TNFSF11: variants seen among roughly 807,000 people sequenced by gnomAD.
TNFSF11 encodes tumor necrosis factor ligand superfamily member 11.
A neutral mutation model predicts 32.2 loss-of-function variants in TNFSF11; 12 were observed. The ratio of observed to expected loss-of-function variants is 0.37; its 90% CI spans 0.24 to 0.60. The LOEUF (loss-of-function observed/expected upper bound fraction) is 0.60, where lower values mean the gene tolerates loss of function less well. TNFSF11 is among the 20% of genes least tolerant of loss of function. The pLI is 0.66. For missense variants in TNFSF11, 345 were observed against 398.0 expected, an observed-to-expected ratio of 0.87 and a Z score of 1.13; for synonymous variants, 172 against 152.1, an observed-to-expected ratio of 1.13 and a Z score of -0.96.
intron 2 of TNFSF11, among the ~76,000 whole-genome samples, chr13:42,567,278 A>G (rs1166651150): frequency 6.6e-6 from 1 of 152,232 alleles, no homozygotes; most frequent in Non-Finnish European, 1.5e-5. Context: ...CTTTAGATTA[A>G]TTTTATTTTA....
At chr13:42,584,964 G>C (rs1873810627) in intron 2 of TNFSF11, among the ~76,000 whole-genome samples, 1 of 152,164 alleles carries the variant, frequency 6.6e-6, no homozygotes, top group Non-Finnish European at 1.5e-5. Flanking sequence ...AGGATCTTTA[G>C]GAAAGAGACA....
In TNFSF11 at chr13:42,581,117, C is replaced by G; in HGVS notation, c.220-9C>G. ...GCACTCTAACGTCCTTACTGTTTCT[C>G]CTCCTCAGATGGATCCTAATAGAAT... is the stretch of plus-strand genomic sequence containing the variant. On this transcript the variant is annotated splice_polypyrimidine_tract_variant and intron_variant, in intron 1 of 4. Transcript: ENST00000398795. 1 of 1,613,914 alleles carries G rather than the reference C, an allele frequency of 6.2e-7. No individual in the cohort carries two copies. The highest frequency in any genetic ancestry group is 8.5e-7 in the Non-Finnish European group (1 of 1,179,868).
intron 2 of TNFSF11, among the ~76,000 whole-genome samples, chr13:42,582,434 T>G (rs1873662619): frequency 6.6e-6 from 1 of 152,192 alleles, no homozygotes; most frequent in Non-Finnish European, 1.5e-5. Flanking sequence ...AAGTTACCAA[T>G]TTTCAGCCTA....
intron 2 of TNFSF11, among the ~76,000 whole-genome samples, chr13:42,582,740 GAGCAAC>G (rs1227266328): frequency 6.6e-6 from 1 of 152,188 alleles, no homozygotes; most frequent in Non-Finnish European, 1.5e-5. Context: ...TGTAATTTTT[GAGCAAC>G]AGCAACAGCA....
intron 2 of TNFSF11, among the ~76,000 whole-genome samples, chr13:42,590,964 A>G (rs1266391343): frequency 3.3e-5 from 5 of 152,240 alleles, no homozygotes; most frequent in Non-Finnish European, 2.9e-5. Flanking sequence ...ACTGTTTGCA[A>G]AAACGAGTCT....
chr13:42,599,382 A>ATCTATCTATCTATCTATCTATCTG (rs1169547336), intron 2 of TNFSF11, among the ~76,000 whole-genome samples: 7 of 150,746 alleles, frequency 4.6e-5, no homozygotes, highest in African/African-American at 1.7e-4. Context: ...CTATCTATCT[A>ATCTATCTATCTATCTATCTATCTG]TCTGTCTATC....
At chr13:42,574,910 A>T (rs967968750) in intron 1 of TNFSF11, among the ~76,000 whole-genome samples, 1 of 152,236 alleles carries the variant, frequency 6.6e-6, no homozygotes, top group African/African-American at 2.4e-5. Context: ...CTGTTCACGT[A>T]GGAAAAAAGA....
chr13:42,574,015 T>C, upstream of TNFSF11: 1 of 492,386 alleles, frequency 2.0e-6, no homozygotes, highest in Non-Finnish European at 3.6e-6. Flanking sequence ...TGACAGAGAT[T>C]GAGAGAGAGG....
chr13:42,576,296 G>C (rs1473707256), intron 1 of TNFSF11, among the ~76,000 whole-genome samples: 1 of 152,092 alleles, frequency 6.6e-6, no homozygotes, highest in African/African-American at 2.4e-5. Context: ...GGCTGTGTAG[G>C]AAAGAGTGAC....
rs768343989 is a variant in TNFSF11, at chr13:42,574,486, C to T, written c.183C>T (p.Val61=). ...ALLGLGLGQV[V]CSVALFFYFR... ...TGGGGCTGGGGCTGGGCCAGGTTGT[C>T]TGCAGCGTCGCCCTGTTCTTCTATT... Residue 61 remains valine, a synonymous_variant, in exon 1 of 5, where the codon GTC becomes GTT. Coordinates refer to ENST00000398795, the MANE Select transcript of TNFSF11 (RefSeq NM_003701.4). The T allele has an allele frequency of 1.9e-6, 3 of 1,609,314 alleles. No homozygotes were observed. Among genetic ancestry groups the T allele is most frequent in the Non-Finnish European group, 2.5e-6 (3 of 1,179,850 alleles).
rs115675044 is a variant in TNFSF11, at chr13:42,575,661, A to T, written c.219+1139A>T. On this transcript the variant is annotated intron_variant, in intron 1 of 4. Coordinates refer to ENST00000398795, the MANE Select transcript of TNFSF11 (RefSeq NM_003701.4). ...ATAGGCTTTTTGTTAAGTATTCATT[A>T]TCCGCTAGTTTGCATTTTCTAGAAC... Among the ~76,000 whole-genome samples, 1,341 of 152,318 alleles carry T rather than the reference A, an allele frequency of 8.8e-3. 15 individuals carry two copies. The highest frequency in any genetic ancestry group is 0.03 in the African/African-American group (1,256 of 41,572).
chr13:42,584,765 A>G (rs576316769), intron 2 of TNFSF11, among the ~76,000 whole-genome samples: 12 of 152,378 alleles, frequency 7.9e-5, no homozygotes, highest in Non-Finnish European at 1.5e-4. Flanking sequence ...ATAGGTTATT[A>G]TGACTCACAG....
At position 42,574,196 on chromosome 13, in the gene TNFSF11, T is replaced by A. The variant is rs919284730; in HGVS notation, c.-108T>A. 12 of 1,450,094 alleles carry A rather than the reference T, an allele frequency of 8.3e-6. No homozygotes were observed. Among genetic ancestry groups the A allele is most frequent in the Non-Finnish European group, 1.0e-5 (11 of 1,064,568 alleles). 89.8% of individuals were successfully genotyped at this position (1,450,094 alleles called of 1,614,324 possible). A position where few individuals can be genotyped will look rare whatever the true frequency, so the allele number is the denominator to read the frequency against. ...CCAGGACCCAAAGCCGGGCTCCAAG[T>A]CGGCGCCCCACGTCGAGGCTCCGCC... On this transcript the variant is annotated 5_prime_UTR_variant, in exon 1 of 5. Transcript: ENST00000398795.
chr13:42,591,355 G>T (rs1594471703), intron 2 of TNFSF11, among the ~76,000 whole-genome samples: 1 of 152,094 alleles, frequency 6.6e-6, no homozygotes, highest in African/African-American at 2.4e-5. Flanking sequence ...CTATCTGCCT[G>T]CTGGGCCACT....
At chr13:42,583,417 T>TAAAAAAAG (rs764290582) in intron 2 of TNFSF11, among the ~76,000 whole-genome samples, 1 of 24,644 alleles carries the variant, frequency 4.1e-5, no homozygotes, top group Non-Finnish European at 7.0e-5. Context: ...AAGACCCTGC[T>TAAAAAAAG]AAAAAAAAAA....
intron 1 of TNFSF11, among the ~76,000 whole-genome samples, chr13:42,579,213 C>T (rs901503851): frequency 1.3e-5 from 2 of 151,574 alleles, no homozygotes; most frequent in Non-Finnish European, 2.9e-5. Context: ...GGCAACACAG[C>T]GAGACCCCAT....
At position 42,595,808 on chromosome 13, in the gene TNFSF11, A is replaced by T. The variant is rs78114725; in HGVS notation, c.388-4944A>T. ...ATTTGTTCAGAAGAAAGGAGTCGGGATATTCTTTTGTAGTATTTTCCCAAA... is the reference window on the plus strand; with the variant it reads ...ATTTGTTCAGAAGAAAGGAGTCGGGTTATTCTTTTGTAGTATTTTCCCAAA... On this transcript the variant is annotated intron_variant, in intron 2 of 4. Coordinates refer to ENST00000398795, the MANE Select transcript of TNFSF11 (RefSeq NM_003701.4). Among the ~76,000 whole-genome samples, 38 of 152,356 alleles carry T rather than the reference A, an allele frequency of 2.5e-4. No individual in the cohort carries two copies. The East Asian group carries it at 7.3e-3, about 29-fold the overall frequency.
rs1873177702 is a variant in TNFSF11, at chr13:42,574,159, C to A, written c.-145C>A. The A allele has an allele frequency of 2.7e-6, 3 of 1,127,198 alleles. No homozygotes were observed. Among genetic ancestry groups the A allele is most frequent in the African/African-American group, 1.6e-5 (1 of 63,020 alleles). 69.8% of individuals were successfully genotyped at this position (1,127,198 alleles called of 1,614,324 possible). ...GGGGCTGCCGGGCGCCCTGCCCGCT[C>A]GCCCGCGCGCCCCAGGACCCAAAGC... is the stretch of plus-strand genomic sequence containing the variant. On this transcript the variant is annotated 5_prime_UTR_variant, in exon 1 of 5. Transcript: ENST00000398795.
intron 1 of TNFSF11, among the ~76,000 whole-genome samples, chr13:42,578,797 G>T (rs1873446360): frequency 6.6e-6 from 1 of 152,128 alleles, no homozygotes; most frequent in South Asian, 2.1e-4. Context: ...CAAAATCTTT[G>T]CATTGTACTT....
Sources: allele counts gnomAD v4.1 joint callset (sites outside exome capture counted in the v4.1 genomes callset), GRCh38; gene constraint gnomAD v4.1.1; transcripts MANE v1.5; gene names NCBI Gene and HGNC (gene_info 2026-07-23, HGNC 2026-07-21).